The following JMJD1C variants were observed in gnomAD, a reference collection of about 807,000 sequenced individuals.
The protein encoded by JMJD1C is jumonji domain-containing protein 1C.
JMJD1C carries 31 observed loss-of-function variants against 245.3 expected under a neutral mutation model. That is an observed-to-expected ratio of 0.13 (90% CI 0.09 to 0.17). The LOEUF (loss-of-function observed/expected upper bound fraction) is 0.17, where lower values mean the gene tolerates loss of function less well. Among genes scored for constraint, JMJD1C ranks in the 10% least tolerant of loss-of-function variants. JMJD1C has a pLI of 1.00. For missense variants in JMJD1C, 2,691 were observed against 3,000.2 expected (o/e 0.90, Z 2.41); for synonymous variants, 1,057 against 1,017.4 (o/e 1.04, Z -0.74).
intron 2 of JMJD1C, among the ~76,000 whole-genome samples, chr10:63,305,631 T>TGTGTGTGTGTGTGTG (rs2134015695): frequency 2.0e-5 from 1 of 50,324 alleles, no homozygotes; most frequent in South Asian, 6.5e-4. Flanking sequence ...CATGCTGGCG[T>TGTGTGTGTGTGTGTG]GTGTGTGTGT....
intron 2 of JMJD1C, among the ~76,000 whole-genome samples, chr10:63,309,640 C>T (rs60617305): frequency 0.01 from 1,547 of 151,642 alleles, 25 homozygotes; most frequent in African/African-American, 0.035. Context: ...GTAAACAGGC[C>T]GGACACAGTG....
intron 1 of JMJD1C, among the ~76,000 whole-genome samples, chr10:63,458,524 A>C (rs546143229): frequency 7.6e-4 from 115 of 152,062 alleles, no homozygotes; most frequent in African/African-American, 2.7e-3. Flanking sequence ...CACTGGAAAA[A>C]CTATCTGAAA....
At chr10:63,397,971 TA>T (rs1335823998) in intron 1 of JMJD1C, among the ~76,000 whole-genome samples, 1 of 152,244 alleles carries the variant, frequency 6.6e-6, no homozygotes, top group African/African-American at 2.4e-5. Flanking sequence ...GAAAATAACC[TA>T]ATTGTTCTTT....
At chr10:63,503,471 A>G (rs569513134) in intron 1 of JMJD1C, among the ~76,000 whole-genome samples, 2 of 152,210 alleles carry the variant, frequency 1.3e-5, no homozygotes, top group African/African-American at 4.8e-5. Context: ...GAGACAATGG[A>G]CTAAAAGACC....
chr10:63,293,077 C>T (rs138974818), intron 2 of JMJD1C, among the ~76,000 whole-genome samples: 23 of 152,138 alleles, frequency 1.5e-4, no homozygotes, highest in African/African-American at 5.5e-4. Flanking sequence ...CAAACCATTG[C>T]CTACAACCAA....
chr10:63,258,141 T>C (rs769846844), intron 3 of JMJD1C, among the ~76,000 whole-genome samples: 2 of 152,248 alleles, frequency 1.3e-5, no homozygotes, highest in African/African-American at 2.4e-5. Context: ...ATAAACTCTT[T>C]ACTGTATCAT....
chr10:63,236,007 T>C (rs1420575975), intron 3 of JMJD1C, among the ~76,000 whole-genome samples: 1 of 152,218 alleles, frequency 6.6e-6, no homozygotes, highest in East Asian at 1.9e-4. Context: ...GAAATGGATA[T>C]CATAAATAGA....
At chr10:63,362,813 T>C (rs1050411544) in intron 2 of JMJD1C, among the ~76,000 whole-genome samples, 4 of 152,044 alleles carry the variant, frequency 2.6e-5, no homozygotes, top group Non-Finnish European at 4.4e-5. Flanking sequence ...ATTCCTAAAA[T>C]ATGATCAGTG....
At chr10:63,496,058 A>G (rs970488707) in intron 1 of JMJD1C, among the ~76,000 whole-genome samples, 1 of 151,608 alleles carries the variant, frequency 6.6e-6, no homozygotes, top group Non-Finnish European at 1.5e-5. Context: ...AATTAAAAAA[A>G]AAAAAACCTC....
chr10:63,437,465 T>C (rs1307585126), intron 1 of JMJD1C, among the ~76,000 whole-genome samples: 7 of 152,218 alleles, frequency 4.6e-5, no homozygotes, highest in Non-Finnish European at 1.0e-4. Context: ...ATTAAGTTTA[T>C]GGTACTATCT....
chr10:63,369,114 T>C (rs561679783), intron 2 of JMJD1C, among the ~76,000 whole-genome samples: 1 of 152,162 alleles, frequency 6.6e-6, no homozygotes, highest in South Asian at 2.1e-4. Flanking sequence ...TCTTCTTTCC[T>C]TCCTTCCTTT....
intron 1 of JMJD1C, among the ~76,000 whole-genome samples, chr10:63,397,699 A>C (rs927969151): frequency 6.6e-6 from 1 of 151,740 alleles, no homozygotes; most frequent in African/African-American, 2.4e-5. Flanking sequence ...CACCCAGGTA[A>C]GTTTTTTATT....
intron 2 of JMJD1C, among the ~76,000 whole-genome samples, chr10:63,339,521 G>A (rs900894543): frequency 6.6e-6 from 1 of 152,160 alleles, no homozygotes; most frequent in Non-Finnish European, 1.5e-5. Context: ...GCTGGCTCAC[G>A]CCTGTAATAC....
intron 3 of JMJD1C, among the ~76,000 whole-genome samples, chr10:63,228,032 T>C (rs773737157): frequency 2.0e-5 from 3 of 152,194 alleles, no homozygotes; most frequent in African/African-American, 4.8e-5. Context: ...AAGCTGTCTA[T>C]ACCACCTGCA....
At chr10:63,466,528 T>TA (rs1436988306), upstream of JMJD1C, 2 of 152,260 alleles carry the variant, frequency 1.3e-5, no homozygotes, top group Non-Finnish European at 2.9e-5. Context: ...TTTGTGGTGA[T>TA]ACTAATTACA....
chr10:63,168,841 TATTAA>T (rs56018911), intron 24 of JMJD1C, among the ~76,000 whole-genome samples: 1,995 of 152,318 alleles, frequency 0.013, 28 homozygotes, highest in African/African-American at 0.034. Flanking sequence ...GATAACCAGA[TATTAA>T]ATTATCAATT....
At chr10:63,349,126 A>AAAAAG (rs71025163) in intron 2 of JMJD1C, among the ~76,000 whole-genome samples, 1 of 148,722 alleles carries the variant, frequency 6.7e-6, no homozygotes, top group African/African-American at 2.5e-5. Flanking sequence ...AAAAAAAAAA[A>AAAAAG]GCCTTCCCTC....
At chr10:63,204,640 T>G in intron 10 of JMJD1C, 1 of 985,354 alleles carries the variant, frequency 1.0e-6, no homozygotes. Flanking sequence ...GGGGAACACA[T>G]AAGAAAAAGC....
intron 1 of JMJD1C, among the ~76,000 whole-genome samples, chr10:63,488,240 C>T (rs562118228): frequency 2.6e-4 from 39 of 152,224 alleles, no homozygotes; most frequent in African/African-American, 9.4e-4. Context: ...AAAGGAAGGC[C>T]CTCCTAATAT....
Sources: gnomAD v4.1 joint callset for allele counts (sites outside exome capture counted in the v4.1 genomes callset) on GRCh38, gnomAD v4.1.1 for gene constraint, MANE v1.5 for transcripts, NCBI Gene and HGNC (gene_info 2026-07-23, HGNC 2026-07-21) for gene names.